Variants in CNTNAP2 observed in about 807,000 individuals in gnomAD.
CNTNAP2 encodes contactin-associated protein-like 2.
Under a neutral mutation model 155.2 loss-of-function variants are expected in CNTNAP2, and 98 were observed. The observed-to-expected ratio is 0.63, with a 90% CI of 0.54 to 0.75. The LOEUF is 0.75. Among genes scored for constraint, CNTNAP2 ranks in the 30% least tolerant of loss-of-function variants. The probability of loss-of-function intolerance (pLI) is 0.00; values close to 1 mark genes in which losing one functional copy is unlikely to be tolerated. For synonymous variants in CNTNAP2, 651 were observed against 631.2 expected, an observed-to-expected ratio of 1.03 and a Z score of -0.47; for missense variants, 1,727 against 1,688.1, an observed-to-expected ratio of 1.02 and a Z score of -0.40.
intron 18 of CNTNAP2, among the ~76,000 whole-genome samples, chr7:148,199,536 A>C (rs773673601): frequency 6.6e-6 from 1 of 152,158 alleles, no homozygotes; most frequent in Non-Finnish European, 1.5e-5. Flanking sequence ...TGGAAAAATC[A>C]ACTGACATTG....
intron 1 of CNTNAP2, among the ~76,000 whole-genome samples, chr7:146,207,833 A>T (rs2116878703): frequency 6.6e-6 from 1 of 152,150 alleles, no homozygotes; most frequent in East Asian, 1.9e-4. Context: ...TGCATTATAT[A>T]GTTTAAATTA....
chr7:147,040,406 A>G (rs1406054782), intron 3 of CNTNAP2, among the ~76,000 whole-genome samples: 1 of 148,108 alleles, frequency 6.8e-6, no homozygotes, highest in African/African-American at 2.5e-5. Context: ...CCCTGGTGGT[A>G]GGGAGTAGTG....
chr7:147,869,345 T>C (rs371413547), intron 13 of CNTNAP2, among the ~76,000 whole-genome samples: 5 of 152,206 alleles, frequency 3.3e-5, no homozygotes, highest in African/African-American at 9.6e-5. Flanking sequence ...AGTTTGATCA[T>C]GAGATATTGC....
At chr7:146,204,041 A>C (rs1798907319) in intron 1 of CNTNAP2, among the ~76,000 whole-genome samples, 1 of 152,142 alleles carries the variant, frequency 6.6e-6, no homozygotes, top group African/African-American at 2.4e-5. Context: ...CATTAGTTTT[A>C]ATATATTCAT....
At chr7:148,183,551 G>A (rs1169501222) in intron 18 of CNTNAP2, among the ~76,000 whole-genome samples, 2 of 135,006 alleles carry the variant, frequency 1.5e-5, no homozygotes, top group Non-Finnish European at 3.0e-5. Flanking sequence ...GTGCAATGAT[G>A]GCTCACTGCA....
intron 1 of CNTNAP2, among the ~76,000 whole-genome samples, chr7:146,710,873 G>T (rs1018840321): frequency 6.6e-6 from 1 of 151,902 alleles, no homozygotes; most frequent in Non-Finnish European, 1.5e-5. Flanking sequence ...ATATATATCC[G>T]GTCTTGGCAT....
chr7:147,548,914 G>A (rs1173863314), intron 11 of CNTNAP2, among the ~76,000 whole-genome samples: 1 of 152,136 alleles, frequency 6.6e-6, no homozygotes, highest in Non-Finnish European at 1.5e-5. Context: ...GCAGATGCTT[G>A]TAGATGTATG....
rs572199990 is a variant in CNTNAP2 at position 147,928,982 on chromosome 7, C to T, written c.2255+25261C>T. On this transcript the variant is annotated intron_variant, in intron 14 of 23. Coordinates refer to ENST00000361727, the MANE Select transcript of CNTNAP2 (RefSeq NM_014141.6). ...TGGCACACACCTGTAATCCCAGCTA[C>T]TCAGGAGGCTGAGGCAGGAGAATCG... Among the ~76,000 whole-genome samples the T allele has an allele frequency of 3.4e-5, 5 of 148,974 alleles. No homozygotes were observed. The South Asian group carries it at 6.3e-4, about 19-fold the overall frequency.
chr7:147,761,093 T>C lies in CNTNAP2; in HGVS notation c.2098+121787T>C, dbSNP rs1338852730. ...CCAAAGAATGAAATTAATCATCCAG[T>C]ACCAGAGAAAATCAATAAACTTCAA... On this transcript the variant is annotated intron_variant, in intron 13 of 23. Transcript: ENST00000361727. Among the ~76,000 whole-genome samples, 6 of 152,326 alleles carry C rather than the reference T, an allele frequency of 3.9e-5. No individual in the cohort carries two copies. In the East Asian group the frequency reaches 1.2e-3, roughly 29 times the overall value.
At chr7:147,060,418 GC>G (rs1486433803) in intron 4 of CNTNAP2, among the ~76,000 whole-genome samples, 2 of 152,112 alleles carry the variant, frequency 1.3e-5, no homozygotes, top group African/African-American at 2.4e-5. Flanking sequence ...CTTTCACTTA[GC>G]AGTTTGATTT....
At chr7:146,557,504 C>T (rs1798214805) in intron 1 of CNTNAP2, among the ~76,000 whole-genome samples, 1 of 151,960 alleles carries the variant, frequency 6.6e-6, no homozygotes, top group African/African-American at 2.4e-5. Flanking sequence ...ATATACCAAA[C>T]TTCTTTGGTA....
intron 1 of CNTNAP2, among the ~76,000 whole-genome samples, chr7:146,425,934 C>T (rs1796080257): frequency 1.3e-5 from 2 of 151,404 alleles, no homozygotes; most frequent in African/African-American, 4.9e-5. Context: ...GCCTATAATC[C>T]CAGCACTTTG....
chr7:147,923,839 C>A (rs1429867318), intron 14 of CNTNAP2, among the ~76,000 whole-genome samples: 3 of 152,022 alleles, frequency 2.0e-5, no homozygotes, highest in Non-Finnish European at 4.4e-5. Context: ...CCTCCTAGAG[C>A]CTTCAGAAAA....
At chr7:146,563,924 G>T (rs750658647) in intron 1 of CNTNAP2, among the ~76,000 whole-genome samples, 1 of 152,052 alleles carries the variant, frequency 6.6e-6, no homozygotes, top group African/African-American at 2.4e-5. Context: ...ACTACCTGGT[G>T]ATCTTGCCTT....
At chr7:146,187,062 G>T (rs1219646761) in intron 1 of CNTNAP2, among the ~76,000 whole-genome samples, 1 of 152,096 alleles carries the variant, frequency 6.6e-6, no homozygotes, top group Non-Finnish European at 1.5e-5. Flanking sequence ...AAAAGTCTTA[G>T]TTTAGTCTCA....
chr7:146,822,240 A>C (rs555802170), intron 2 of CNTNAP2, among the ~76,000 whole-genome samples: 1 of 151,922 alleles, frequency 6.6e-6, no homozygotes, highest in Non-Finnish European at 1.5e-5. Context: ...CCAACACCAC[A>C]TGTTCTCACT....
chr7:146,689,150 C>T (rs932029816), intron 1 of CNTNAP2, among the ~76,000 whole-genome samples: 3 of 151,724 alleles, frequency 2.0e-5, no homozygotes, highest in African/African-American at 7.3e-5. Flanking sequence ...TTTGACTTGC[C>T]CTCTGATGAG....
At chr7:147,421,888 A>G (rs1797296809) in intron 10 of CNTNAP2, among the ~76,000 whole-genome samples, 1 of 151,862 alleles carries the variant, frequency 6.6e-6, no homozygotes, top group Non-Finnish European at 1.5e-5. Flanking sequence ...GCCCTGTGAG[A>G]TGCTTGCTCC....
intron 15 of CNTNAP2, among the ~76,000 whole-genome samples, chr7:148,075,362 G>A (rs923488673): frequency 1.3e-5 from 2 of 152,088 alleles, no homozygotes; most frequent in African/African-American, 2.4e-5. Context: ...GCTTGAACCC[G>A]GGAGACAGAG....
Sources: allele counts gnomAD v4.1 joint callset (sites outside exome capture counted in the v4.1 genomes callset), GRCh38; gene constraint gnomAD v4.1.1; transcripts MANE v1.5; gene names NCBI Gene and HGNC (gene_info 2026-07-23, HGNC 2026-07-21).